The following LAMC3 variants were observed in gnomAD, a reference collection of about 807,000 sequenced individuals.
LAMC3 encodes laminin subunit gamma 3.
A neutral mutation model predicts 173.8 loss-of-function variants in LAMC3; 128 were observed. That is an observed-to-expected ratio of 0.74 (90% CI 0.64 to 0.85). The LOEUF (loss-of-function observed/expected upper bound fraction) is 0.85, where lower values mean the gene tolerates loss of function less well. Ranked by LOEUF, LAMC3 falls within the 40% of genes least tolerant of loss-of-function variation. The pLI is 0.00. For missense variants in LAMC3, 2,022 were observed against 2,156.0 expected, an observed-to-expected ratio of 0.94 and a Z score of 1.23; for synonymous variants, 897 against 909.1, an observed-to-expected ratio of 0.99 and a Z score of 0.24.
intron 13 of LAMC3, among the ~76,000 whole-genome samples, chr9:131,063,873 C>T (rs987446742): frequency 2.0e-5 from 3 of 152,194 alleles, no homozygotes; most frequent in African/African-American, 7.2e-5. Context: ...CCGTTCCGTT[C>T]CGCCTTTTCC....
intron 1 of LAMC3, among the ~76,000 whole-genome samples, chr9:131,012,268 G>A (rs1003986634): frequency 4.6e-5 from 7 of 152,206 alleles, no homozygotes; most frequent in African/African-American, 1.2e-4. Context: ...TAGAAATCAC[G>A]AAAGGAGGCT....
chr9:131,055,650 T>C (rs7025606), intron 11 of LAMC3, among the ~76,000 whole-genome samples: 35,188 of 150,984 alleles, frequency 0.23, 4,204 homozygotes, highest in Admixed American at 0.27. Context: ...TGGTCTCGAT[T>C]TCCTGACCTT....
At chr9:131,042,065 G>A (rs951327209) in intron 7 of LAMC3, among the ~76,000 whole-genome samples, 9 of 152,154 alleles carry the variant, frequency 5.9e-5, no homozygotes, top group South Asian at 2.1e-4. Flanking sequence ...GATGGTGCTC[G>A]TACTACCACC....
chr9:131,073,304 C>T lies in LAMC3; in HGVS notation c.3477C>T (p.Ala1159=). The T allele has an allele frequency of 6.2e-7, 1 of 1,613,694 alleles. No homozygotes were observed. The highest frequency in any genetic ancestry group is 8.5e-7 in the Non-Finnish European group (1 of 1,179,840). The stretch of plus-strand genomic sequence containing the variant: ...AATGGAGCCACCTGGCCACAGAGGC[C>T]CGTGCCCTCGCCAGGAGGTGAGTCC... ...PTKWSHLATE[A]RALARSHRDT... Residue 1159 remains alanine (A), a synonymous_variant, in exon 20 of 28, where the codon GCC becomes GCT. Coordinates refer to ENST00000361069, the MANE Select transcript of LAMC3 (RefSeq NM_006059.4).
intron 9 of LAMC3, 102 bp downstream of exon 9, chr9:131,049,232 C>A: frequency 4.0e-6 from 3 of 759,314 alleles, no homozygotes; most frequent in Non-Finnish European, 4.7e-6. Flanking sequence ...CCAGTTTATT[C>A]TCTTAGAGTT....
intron 1 of LAMC3, among the ~76,000 whole-genome samples, chr9:131,020,133 G>A (rs1410707109): frequency 6.6e-6 from 1 of 152,194 alleles, no homozygotes; most frequent in Non-Finnish European, 1.5e-5. Flanking sequence ...TGGGGCGGGA[G>A]GGGCTAGGGT....
At chr9:131,067,993 C>T in intron 14 of LAMC3, 85 bp from the exon 15 acceptor site, 2 of 1,414,876 alleles carry the variant, frequency 1.4e-6, no homozygotes, top group Non-Finnish European at 2.0e-6. Context: ...GAGGCTCCCC[C>T]ATCTCCTCTG....
rs1321501574 is a variant in LAMC3, at chr9:131,032,638, C to G, written c.809+463C>G. 2.0e-5 allele frequency among the ~76,000 whole-genome samples: 3 copies of G among 151,204 alleles called. No individual in the cohort carries two copies. In the South Asian group the frequency reaches 6.4e-4, roughly 32 times the overall value. ...TCTCTCTCTCTCACTCTCTCTTGCTCTCTCGCTCTCACTCACTCTCTCTCA... is the reference window on the plus strand; with the variant it reads ...TCTCTCTCTCTCACTCTCTCTTGCTGTCTCGCTCTCACTCACTCTCTCTCA... On this transcript the variant is annotated intron_variant, in intron 3 of 27. Transcript: ENST00000361069.
chr9:131,045,560 T>G lies in LAMC3; in HGVS notation c.1419T>G (p.Asn473Lys), dbSNP rs1040095627. Residue 473 changes from asparagine to lysine, a missense_variant, in exon 8 of 28, where the codon AAT (asparagine) becomes AAG (lysine). By Grantham distance (94) the Asn-to-Lys change is moderately conservative. Transcript: ENST00000361069. The stretch of plus-strand genomic sequence containing the variant: ...GGACCTTTAACCTGCAGCCCCACAA[T>G]CCAGCTGGCTGCAGCAGCTGTTTCT... ...RPGTFNLQPHNPAGCSSCFCY... is the reference protein window; with the variant it reads ...RPGTFNLQPHKPAGCSSCFCY... 7 of 1,613,948 alleles carry G rather than the reference T, an allele frequency of 4.3e-6. No individual in the cohort carries two copies. The highest frequency in any genetic ancestry group is 5.1e-6 in the Non-Finnish European group (6 of 1,180,030).
rs147880294 is a variant in LAMC3, at chr9:131,081,435, TTCCC to T, written c.3928-598_3928-595del. ...ATCCACTTGCTGAGATAGAGCAGTG[TTCCC>T]TCCCTCCCTCCCTCCCTCCCTCCCT... is the stretch of plus-strand genomic sequence containing the variant. On this transcript the variant is annotated intron_variant, in intron 23 of 27. Coordinates refer to ENST00000361069, the MANE Select transcript of LAMC3 (RefSeq NM_006059.4). 1.9e-3 allele frequency among the ~76,000 whole-genome samples: 239 copies of T among 126,876 alleles called. 1 individual carries two copies. The highest frequency in any genetic ancestry group is 4.9e-3 in the African/African-American group (167 of 34,066). 83.2% of individuals were successfully genotyped at this position (126,876 alleles called of 152,430 possible).
chr9:131,017,030 C>T (rs1173282255), intron 1 of LAMC3, among the ~76,000 whole-genome samples: 1 of 152,158 alleles, frequency 6.6e-6, no homozygotes, highest in African/African-American at 2.4e-5. Flanking sequence ...AACTCCCAAC[C>T]CCTTAAAAGA....
In LAMC3 at chr9:131,079,257, G is replaced by T. The variant is rs1386857539; in HGVS notation, c.3886G>T (p.Ala1296Ser). 6.2e-7 allele frequency: 1 copy of T among 1,614,230 alleles called. No homozygotes were observed. Among genetic ancestry groups the T allele is most frequent in the East Asian group, 2.2e-5 (1 of 44,880 alleles). The change falls in exon 23 of 28, where the codon GCT becomes TCT. Residue 1296 changes from alanine (A) to serine (S), a missense_variant. Ala to Ser is a moderately conservative substitution (Grantham distance 99). Coordinates refer to ENST00000361069, the MANE Select transcript of LAMC3 (RefSeq NM_006059.4). ...TGAGGCTGCCCGAACCCTCCAGACT[G>T]CTGCCCAGGCGACGCTACGGCAAAC... The part of the protein sequence containing the change: ...ATEAARTLQT[A>S]AQATLRQTEP...
In LAMC3 at chr9:131,045,575, C is replaced by A; in HGVS notation, c.1434C>A (p.Ser478Arg). 6.2e-7 allele frequency: 1 copy of A among 1,614,098 alleles called. No individual in the cohort carries two copies. Among genetic ancestry groups the A allele is most frequent in the Non-Finnish European group, 8.5e-7 (1 of 1,180,010 alleles). ...AGCCCCACAATCCAGCTGGCTGCAGCAGCTGTTTCTGCTATGGCCACTCCA... is the reference window on the plus strand; with the variant it reads ...AGCCCCACAATCCAGCTGGCTGCAGAAGCTGTTTCTGCTATGGCCACTCCA... ...NLQPHNPAGC[S>R]SCFCYGHSKV... The change falls in exon 8 of 28, where the codon AGC becomes AGA. Residue 478 changes from serine to arginine, a missense_variant. Transcript: ENST00000361069.
chr9:131,011,489 G>A (rs1335396976), intron 1 of LAMC3, among the ~76,000 whole-genome samples: 1 of 152,316 alleles, frequency 6.6e-6, no homozygotes, highest in South Asian at 2.1e-4. Context: ...GGAGGGCTGG[G>A]AAGTGACATT....
At chr9:131,016,950 A>G (rs751674105) in intron 1 of LAMC3, among the ~76,000 whole-genome samples, 2 of 152,152 alleles carry the variant, frequency 1.3e-5, no homozygotes, top group African/African-American at 2.4e-5. Flanking sequence ...TTTTTTAAAA[A>G]GCACCCGCCT....
intron 8 of LAMC3, among the ~76,000 whole-genome samples, chr9:131,046,793 T>A (rs1259301446): frequency 1.3e-5 from 2 of 152,034 alleles, no homozygotes; most frequent in Non-Finnish European, 2.9e-5. Context: ...CCCAGCGATG[T>A]CCCACGGAGC....
intron 1 of LAMC3, among the ~76,000 whole-genome samples, chr9:131,023,166 C>G (rs1833657967): frequency 6.6e-6 from 1 of 152,204 alleles, no homozygotes; most frequent in Non-Finnish European, 1.5e-5. Context: ...TTTATTGATT[C>G]ATTCATCAGT....
intron 27 of LAMC3, among the ~76,000 whole-genome samples, chr9:131,090,173 A>G (rs964331194): frequency 2.0e-5 from 3 of 152,170 alleles, no homozygotes; most frequent in South Asian, 2.1e-4. Context: ...TGCGGGTCCA[A>G]GTGACTCAGC....
At position 131,052,614 on chromosome 9, in the gene LAMC3, C is replaced by T. The variant is rs758786678; in HGVS notation, c.1754C>T (p.Ser585Phe). The change falls in exon 10 of 28, where the codon TCC becomes TTC. Residue 585 changes from serine (S) to phenylalanine (F), a missense_variant. Coordinates refer to ENST00000361069, the MANE Select transcript of LAMC3 (RefSeq NM_006059.4). ...CTGGAAGGGACAGGCTTGGCCCTGT[C>T]CCTGAGGCACTCTAGCCTGTCTGGC... ...LRLEGTGLAL[S>F]LRHSSLSGPQ... is the part of the protein sequence containing the mutation. 5 of 1,613,980 alleles carry T rather than the reference C, an allele frequency of 3.1e-6. No individual in the cohort carries two copies. The highest frequency in any genetic ancestry group is 4.2e-6 in the Non-Finnish European group (5 of 1,179,968).
Sources: allele counts gnomAD v4.1 joint callset (sites outside exome capture counted in the v4.1 genomes callset), GRCh38; gene constraint gnomAD v4.1.1; transcripts MANE v1.5; gene names NCBI Gene and HGNC (gene_info 2026-07-23, HGNC 2026-07-21).